MCM5: variants seen among roughly 807,000 people sequenced by gnomAD.
MCM5 encodes DNA replication licensing factor MCM5.
A neutral mutation model predicts 79.9 loss-of-function variants in MCM5; 46 were observed. That is an observed-to-expected ratio of 0.58 (90% CI 0.45 to 0.74). The LOEUF is 0.74. Among genes scored for constraint, MCM5 ranks in the 30% least tolerant of loss-of-function variants. The probability of loss-of-function intolerance (pLI) is 0.00; values close to 1 mark genes in which losing one functional copy is unlikely to be tolerated. For synonymous variants in MCM5, 404 were observed against 390.5 expected, an observed-to-expected ratio of 1.03 and a Z score of -0.41; for missense variants, 883 against 1,017.0, an observed-to-expected ratio of 0.87 and a Z score of 1.79.
chr22:35,436,164 CAAA>C, the MCM5 span, among the ~76,000 whole-genome samples: 2 of 61,072 alleles, frequency 3.3e-5, no homozygotes. Flanking sequence ...AACTCAGTCT[CAAA>C]AAAAAAAAAA....
chr22:35,429,196 G>C (rs1932797316), downstream of MCM5, among the ~76,000 whole-genome samples: 1 of 151,738 alleles, frequency 6.6e-6, no homozygotes, highest in Non-Finnish European at 1.5e-5. Flanking sequence ...ATGTTGGCCA[G>C]GCTGGTCTTG....
At chr22:35,435,591 C>T in the MCM5 span, among the ~76,000 whole-genome samples, 1 of 152,186 alleles carries the variant, frequency 6.6e-6, no homozygotes, top group Non-Finnish European at 1.5e-5. Context: ...CAGCTTTGTT[C>T]CCGGGTCTTC....
intron 14 of MCM5, among the ~76,000 whole-genome samples, chr22:35,420,574 G>C (rs1287698089): frequency 6.6e-6 from 1 of 152,236 alleles, no homozygotes; most frequent in South Asian, 2.1e-4. Flanking sequence ...ACTGTCTGGA[G>C]GAAGATGGTA....
downstream of MCM5, among the ~76,000 whole-genome samples, chr22:35,429,503 A>G (rs976746583): frequency 6.7e-6 from 1 of 150,322 alleles, no homozygotes; most frequent in Non-Finnish European, 1.5e-5. Flanking sequence ...CTCTCCTGCC[A>G]TTCCTCCTCA....
chr22:35,404,758 G>T (rs946215259), intron 4 of MCM5, among the ~76,000 whole-genome samples: 35 of 152,256 alleles, frequency 2.3e-4, no homozygotes, highest in African/African-American at 8.4e-4. Context: ...CAAAACTTCT[G>T]CTCATGTCTG....
intron 5 of MCM5, among the ~76,000 whole-genome samples, chr22:35,408,186 T>A (rs375620230): frequency 9.9e-5 from 15 of 152,220 alleles, no homozygotes; most frequent in African/African-American, 3.6e-4. Flanking sequence ...GGACCCAGCC[T>A]CAAGCAGTTC....
At chr22:35,400,323 G>T in intron 1 of MCM5, 108 bp from the exon 2 acceptor site, 1 of 1,272,694 alleles carries the variant, frequency 7.9e-7, no homozygotes, top group South Asian at 1.2e-5. Context: ...CCGGGAGCGC[G>T]GCCGGGGGTC....
chr22:35,452,760 T>A, the MCM5 span, among the ~76,000 whole-genome samples: 1 of 152,108 alleles, frequency 6.6e-6, no homozygotes, highest in Non-Finnish European at 1.5e-5. Context: ...TGTGGCCAGT[T>A]CTTGTGCAAA....
intron 15 of MCM5, 37 bp downstream of exon 15, chr22:35,421,497 G>A: frequency 1.2e-6 from 2 of 1,613,430 alleles, no homozygotes; most frequent in Non-Finnish European, 1.7e-6. Flanking sequence ...CAATTGATCT[G>A]GGTTCCCTGG....
At chr22:35,404,258 C>A (rs139628425) in intron 4 of MCM5, among the ~76,000 whole-genome samples, 1 of 152,190 alleles carries the variant, frequency 6.6e-6, no homozygotes, top group East Asian at 1.9e-4. Flanking sequence ...GACCAAATTA[C>A]CTCACATGAC....
chr22:35,400,157 T>G lies in MCM5; in HGVS notation c.-60T>G. On this transcript the variant is annotated 5_prime_UTR_variant, in exon 1 of 17. Transcript: ENST00000216122. ...TGTTTTTCCCGCGAAACTCGGCGGCTGAGCGTGGAGGTTCTTGTCTCCCCT... is the reference window on the plus strand; with the variant it reads ...TGTTTTTCCCGCGAAACTCGGCGGCGGAGCGTGGAGGTTCTTGTCTCCCCT... The G allele has an allele frequency of 2.4e-6, 1 of 420,248 alleles. No homozygotes were observed. The highest frequency in any genetic ancestry group is 4.4e-6 in the Non-Finnish European group (1 of 228,726). The allele number at this position is 420,248 out of a possible 1,614,324, so 26.0% of individuals were successfully genotyped here. A position where few individuals can be genotyped will look rare whatever the true frequency, so the allele number is the denominator to read the frequency against.
At chr22:35,440,508 A>G in the MCM5 span, among the ~76,000 whole-genome samples, 1 of 152,118 alleles carries the variant, frequency 6.6e-6, no homozygotes, top group Non-Finnish European at 1.5e-5. Context: ...AGAGGGGAGG[A>G]GGTACGGACC....
At chr22:35,418,149 G>A (rs955324799) in intron 13 of MCM5, among the ~76,000 whole-genome samples, 1 of 152,154 alleles carries the variant, frequency 6.6e-6, no homozygotes, top group Non-Finnish European at 1.5e-5. Context: ...GTAGACATGG[G>A]CTCTGGGTCA....
At position 35,416,669 on chromosome 22, in the gene MCM5, G is replaced by C. The variant is rs759755071; in HGVS notation, c.1445G>C (p.Cys482Ser). 1 of 1,613,962 alleles carries C rather than the reference G, an allele frequency of 6.2e-7. No individual in the cohort carries two copies. The highest frequency in any genetic ancestry group is 1.3e-5 in the African/African-American group (1 of 74,908). Residue 482 changes from cysteine (C) to serine (S), a missense_variant, in exon 12 of 17, where the codon TGC becomes TCC. Physicochemically the swap from Cys to Ser is moderately radical, Grantham distance 112 (BLOSUM62 -1). This residue lies in a region of MCM5 where 426 missense variants were observed against 482.3 expected (regional missense o/e 0.88). Transcript: ENST00000216122. ...ATCACCACCACCCTGAACTCCCGCT[G>C]CTCCGTCCTGGCTGCTGCCAACTCA... ...AGITTTLNSR[C>S]SVLAAANSVF...
chr22:35,429,136 C>G (rs1476323024), downstream of MCM5, among the ~76,000 whole-genome samples: 1 of 151,958 alleles, frequency 6.6e-6, no homozygotes, highest in Non-Finnish European at 1.5e-5. Context: ...CAGGTGCCTG[C>G]CACCATGCTT....
chr22:35,440,763 AAAGT>A, the MCM5 span, among the ~76,000 whole-genome samples: 1 of 152,134 alleles, frequency 6.6e-6, no homozygotes, highest in Non-Finnish European at 1.5e-5. Context: ...AGTCCAGTAA[AAAGT>A]AAGATCCTGC....
In MCM5 at chr22:35,410,926, G is replaced by A. The variant is rs770111326; in HGVS notation, c.919+16G>A. The A allele has an allele frequency of 6.3e-7, 1 of 1,578,632 alleles. No individual in the cohort carries two copies. Among genetic ancestry groups the A allele is most frequent in the Non-Finnish European group, 8.6e-7 (1 of 1,159,722 alleles). ...GATGGCTCTGGTGAGTTGGCTTTGG[G>A]GTCCTGGCTTAGCCCTGCTAAAAGG... On this transcript the variant is annotated intron_variant, in intron 7 of 16. Coordinates refer to ENST00000216122, the MANE Select transcript of MCM5 (RefSeq NM_006739.4).
chr22:35,446,291 C>T, the MCM5 span, among the ~76,000 whole-genome samples: 1 of 152,054 alleles, frequency 6.6e-6, no homozygotes, highest in African/African-American at 2.4e-5. Context: ...CTGCCATGAT[C>T]CTATGAAAGT....
chr22:35,450,461 G>A, the MCM5 span, among the ~76,000 whole-genome samples: 1 of 152,152 alleles, frequency 6.6e-6, no homozygotes, highest in Non-Finnish European at 1.5e-5. Context: ...ACAGACTCCA[G>A]GGGAGGAAGC....
Sources: allele counts gnomAD v4.1 joint callset (sites outside exome capture counted in the v4.1 genomes callset), GRCh38; gene constraint gnomAD v4.1.1; regional missense constraint gnomAD v4.1.1; transcripts MANE v1.5; gene names NCBI Gene and HGNC (gene_info 2026-07-23, HGNC 2026-07-21).